BMPR1B: variants seen among roughly 807,000 people sequenced by gnomAD.
BMPR1B encodes the protein bone morphogenetic protein receptor type-1B.
Under a neutral mutation model 59.1 loss-of-function variants are expected in BMPR1B, and 12 were observed. The observed-to-expected ratio is 0.20, with a 90% CI of 0.13 to 0.33. BMPR1B has a LOEUF of 0.33. BMPR1B is among the 10% of genes least tolerant of loss of function. The pLI is 1.00. For missense variants in BMPR1B, 550 were observed against 610.9 expected, an observed-to-expected ratio of 0.90 and a Z score of 1.05; for synonymous variants, 237 against 207.3, an observed-to-expected ratio of 1.14 and a Z score of -1.23.
intron 2 of BMPR1B, among the ~76,000 whole-genome samples, chr4:94,935,965 C>T (rs984556136): frequency 7.3e-6 from 1 of 136,996 alleles, no homozygotes; most frequent in Non-Finnish European, 1.6e-5. Context: ...TAATGTAAGC[C>T]TTGGATTAAT....
intron 2 of BMPR1B, among the ~76,000 whole-genome samples, chr4:94,994,227 C>T (rs997467819): frequency 2.6e-5 from 4 of 152,194 alleles, no homozygotes; most frequent in South Asian, 4.1e-4. Context: ...TCCTTCATCA[C>T]CTTATTCCTT....
rs369996272 is a variant in BMPR1B, at chr4:94,988,240, T to G, written c.-112-7800T>G. ...ATTTAGCTCTAGGAGAAAAAGAAAT[T>G]GAAGTACTGATAATACAGCTGGAAA... On this transcript the variant is annotated intron_variant, in intron 2 of 12. Coordinates refer to ENST00000515059, the MANE Select transcript of BMPR1B (RefSeq NM_001203.3). 2.1e-3 allele frequency among the ~76,000 whole-genome samples: 313 copies of G among 152,206 alleles called. 10 individuals carry two copies. In the South Asian group the frequency reaches 0.063, roughly 31 times the overall value.
chr4:94,954,741 A>G (rs1396313817), intron 2 of BMPR1B, among the ~76,000 whole-genome samples: 2 of 152,184 alleles, frequency 1.3e-5, no homozygotes, highest in Non-Finnish European at 1.5e-5. Context: ...GGAGACCACA[A>G]TATATATCTC....
chr4:94,767,160 T>G (rs1439114123), intron 1 of BMPR1B, among the ~76,000 whole-genome samples: 1 of 152,130 alleles, frequency 6.6e-6, no homozygotes, highest in Non-Finnish European at 1.5e-5. Context: ...GTGAATGAAT[T>G]TATATAATGT....
At chr4:95,003,287 A>T (rs1371224247) in intron 3 of BMPR1B, among the ~76,000 whole-genome samples, 1 of 152,182 alleles carries the variant, frequency 6.6e-6, no homozygotes, top group Non-Finnish European at 1.5e-5. Flanking sequence ...ACTTTTACTG[A>T]ATCGTTCTCC....
intron 1 of BMPR1B, among the ~76,000 whole-genome samples, chr4:94,839,430 GA>G (rs1724955256): frequency 6.8e-6 from 1 of 147,166 alleles, no homozygotes; most frequent in African/African-American, 2.5e-5. Context: ...CTTGCTTTAT[GA>G]ATCTGGGTGC....
At chr4:94,881,854 G>A (rs776886784) in intron 2 of BMPR1B, among the ~76,000 whole-genome samples, 5 of 152,094 alleles carry the variant, frequency 3.3e-5, no homozygotes, top group African/African-American at 1.2e-4. Flanking sequence ...CTGCCTTTTA[G>A]CTCTAAAAAT....
intron 2 of BMPR1B, among the ~76,000 whole-genome samples, chr4:94,882,830 G>A (rs1389114039): frequency 6.6e-6 from 1 of 152,122 alleles, no homozygotes; most frequent in Non-Finnish European, 1.5e-5. Context: ...GGAATTCATG[G>A]TTTACAACAT....
chr4:95,149,977 A>G (rs1310953509), intron 11 of BMPR1B, among the ~76,000 whole-genome samples: 2 of 152,218 alleles, frequency 1.3e-5, no homozygotes, highest in Non-Finnish European at 2.9e-5. Flanking sequence ...CATGTTAGCT[A>G]TTATTACTAT....
chr4:94,787,222 T>A (rs1435863040), intron 1 of BMPR1B, among the ~76,000 whole-genome samples: 5 of 151,746 alleles, frequency 3.3e-5, no homozygotes, highest in Admixed American at 2.6e-4. Context: ...CACGTAGAGG[T>A]TTTTTATTCC....
In BMPR1B at chr4:94,910,677, G is replaced by A. The variant is rs528702902; in HGVS notation, c.-113+34777G>A. 2.6e-5 allele frequency among the ~76,000 whole-genome samples: 4 copies of A among 152,148 alleles called. No homozygotes were observed. The South Asian group carries it at 8.3e-4, about 32-fold the overall frequency. ...AATCCCAGTACTTTGAGAGGCCCAG[G>A]CAGGAGAATCACTTGAGGCCAGAAG... On this transcript the variant is annotated intron_variant, in intron 2 of 12. Coordinates refer to ENST00000515059, the MANE Select transcript of BMPR1B (RefSeq NM_001203.3).
intron 1 of BMPR1B, among the ~76,000 whole-genome samples, chr4:94,818,885 A>G (rs756921415): frequency 4.6e-5 from 7 of 152,092 alleles, no homozygotes; most frequent in Non-Finnish European, 1.0e-4. Context: ...TAATCTCAGC[A>G]CTTTGGGAGG....
At chr4:95,104,295 C>G in intron 3 of BMPR1B, 113 bp from the exon 4 acceptor site, 3 of 1,243,074 alleles carry the variant, frequency 2.4e-6, no homozygotes, top group Middle Eastern at 4.2e-4. Flanking sequence ...CTGTTTAAAT[C>G]TTTAAGTATC....
intron 2 of BMPR1B, among the ~76,000 whole-genome samples, chr4:94,940,820 G>C (rs1729482886): frequency 6.6e-6 from 1 of 151,894 alleles, no homozygotes; most frequent in South Asian, 2.1e-4. Flanking sequence ...CCTCTTCAAG[G>C]CTTTCATCCT....
chr4:94,884,670 G>A (rs1191148653), intron 2 of BMPR1B, among the ~76,000 whole-genome samples: 1 of 152,102 alleles, frequency 6.6e-6, no homozygotes, highest in Admixed American at 6.6e-5. Flanking sequence ...GAATAAGATG[G>A]CATCTTATGA....
chr4:94,881,438 G>T (rs920022485), intron 2 of BMPR1B, among the ~76,000 whole-genome samples: 5 of 151,764 alleles, frequency 3.3e-5, no homozygotes, highest in African/African-American at 1.2e-4. Flanking sequence ...GAGGAGCTGG[G>T]TTCAAGTTCT....
At chr4:94,940,524 T>C (rs11935301) in intron 2 of BMPR1B, among the ~76,000 whole-genome samples, 17,767 of 152,262 alleles carry the variant, frequency 0.12, 1,213 homozygotes, top group Middle Eastern at 0.19. Context: ...TTTGTGTCTT[T>C]ATCACAATTG....
At chr4:94,845,095 A>AG (rs957020085) in intron 1 of BMPR1B, among the ~76,000 whole-genome samples, 1 of 151,904 alleles carries the variant, frequency 6.6e-6, no homozygotes, top group Non-Finnish European at 1.5e-5. Context: ...AAGATGAAAA[A>AG]AATCACAAAA....
At chr4:94,850,605 T>C (rs72887821) in intron 1 of BMPR1B, among the ~76,000 whole-genome samples, 5,801 of 145,662 alleles carry the variant, frequency 0.04, 284 homozygotes, top group East Asian at 0.16. Flanking sequence ...ATAGAAAATC[T>C]TTTTCCCATT....
Sources: allele counts gnomAD v4.1 joint callset (sites outside exome capture counted in the v4.1 genomes callset), GRCh38; gene constraint gnomAD v4.1.1; transcripts MANE v1.5; gene names NCBI Gene and HGNC (gene_info 2026-07-23, HGNC 2026-07-21).